Variants in ITGBL1 observed in about 807,000 individuals in gnomAD.
ITGBL1 encodes the protein integrin beta-like protein 1.
Under a neutral mutation model 68.5 loss-of-function variants are expected in ITGBL1, and 51 were observed. The observed-to-expected ratio is 0.74, with a 90% CI of 0.59 to 0.94. The LOEUF is 0.94. Ranked by LOEUF, ITGBL1 falls within the 40% of genes least tolerant of loss-of-function variation. ITGBL1 has a pLI of 0.00. For synonymous variants in ITGBL1, 209 were observed against 227.3 expected (o/e 0.92, Z 0.72); for missense variants, 649 against 647.4 (o/e 1.00, Z -0.03).
intron 7 of ITGBL1, among the ~76,000 whole-genome samples, chr13:101,692,210 T>G (rs1278600144): frequency 6.6e-6 from 1 of 152,100 alleles, no homozygotes; most frequent in Non-Finnish European, 1.5e-5. Flanking sequence ...AATGGCCACA[T>G]CATACTAAAT....
chr13:101,515,047 G>T (rs2049173753), intron 2 of ITGBL1, among the ~76,000 whole-genome samples: 1 of 150,680 alleles, frequency 6.6e-6, no homozygotes, highest in African/African-American at 2.4e-5. Context: ...AACCCATTGT[G>T]TTCTTATATA....
chr13:101,666,620 T>C (rs7994613), intron 7 of ITGBL1, among the ~76,000 whole-genome samples: 120,848 of 151,998 alleles, frequency 0.8, 48,239 homozygotes, highest in East Asian at 0.96. Context: ...AATTTTGTTT[T>C]ATTTTTGTTT....
intron 7 of ITGBL1, among the ~76,000 whole-genome samples, chr13:101,608,246 C>T (rs1280972827): frequency 6.6e-6 from 1 of 151,972 alleles, no homozygotes; most frequent in Non-Finnish European, 1.5e-5. Context: ...AGTAGCATGC[C>T]AAATTCTCAC....
intron 2 of ITGBL1, among the ~76,000 whole-genome samples, chr13:101,519,258 G>A (rs1209094325): frequency 6.6e-6 from 1 of 152,052 alleles, no homozygotes; most frequent in Non-Finnish European, 1.5e-5. Flanking sequence ...TCTACCCCAG[G>A]GCTGCCTGAT....
intron 7 of ITGBL1, among the ~76,000 whole-genome samples, chr13:101,616,582 C>T (rs917852720): frequency 1.3e-5 from 2 of 152,090 alleles, no homozygotes; most frequent in African/African-American, 4.8e-5. Context: ...CCTCCGCCTC[C>T]CAGGTTGAAG....
Position 101,661,074 on chromosome 13 carries a change from C to G in ITGBL1, c.1016-31511C>G, listed in dbSNP as rs377192426. Among the ~76,000 whole-genome samples, 4 of 151,790 alleles carry G rather than the reference C, an allele frequency of 2.6e-5. No homozygotes were observed. The East Asian group carries it at 7.8e-4, about 29-fold the overall frequency. ...ACAGTAGTAGCAGATGCATAAATGA[C>G]CAGTTATTAGGAATTAACGGATATA... On this transcript the variant is annotated intron_variant, in intron 7 of 10. Transcript: ENST00000376180.
At chr13:101,705,402 A>T (rs939790869) in intron 8 of ITGBL1, among the ~76,000 whole-genome samples, 3 of 151,714 alleles carry the variant, frequency 2.0e-5, no homozygotes, top group African/African-American at 7.3e-5. Flanking sequence ...CACCACAGTT[A>T]CTTACCACGT....
At chr13:101,682,386 A>G (rs1441114711) in intron 7 of ITGBL1, among the ~76,000 whole-genome samples, 1 of 152,102 alleles carries the variant, frequency 6.6e-6, no homozygotes, top group African/African-American at 2.4e-5. Context: ...GTTTATATAA[A>G]TCTTGCAGTA....
intron 7 of ITGBL1, among the ~76,000 whole-genome samples, chr13:101,621,466 T>G (rs982901270): frequency 6.6e-6 from 1 of 152,134 alleles, no homozygotes; most frequent in Non-Finnish European, 1.5e-5. Flanking sequence ...GCTCAACTTT[T>G]ATTATAGAAA....
intron 7 of ITGBL1, among the ~76,000 whole-genome samples, chr13:101,646,754 C>T (rs1490281480): frequency 2.0e-5 from 3 of 151,956 alleles, no homozygotes; most frequent in African/African-American, 7.2e-5. Flanking sequence ...AAATAGAATG[C>T]TGAACCACAC....
chr13:101,605,708 A>C (rs188430739), intron 7 of ITGBL1, among the ~76,000 whole-genome samples: 1 of 151,442 alleles, frequency 6.6e-6, no homozygotes, highest in South Asian at 2.1e-4. Context: ...AGACTTATGT[A>C]TGTGCGTATA....
At chr13:101,591,163 A>G (rs1203271395) in intron 6 of ITGBL1, among the ~76,000 whole-genome samples, 1 of 152,218 alleles carries the variant, frequency 6.6e-6, no homozygotes, top group Non-Finnish European at 1.5e-5. Flanking sequence ...TTGGCCTTCC[A>G]AAGTGCTGGG....
At position 101,520,107 on chromosome 13, in the gene ITGBL1, A is replaced by G. The variant is rs190209485; in HGVS notation, c.317-47592A>G. On this transcript the variant is annotated intron_variant, in intron 2 of 10. Coordinates refer to ENST00000376180, the MANE Select transcript of ITGBL1 (RefSeq NM_004791.3). The stretch of plus-strand genomic sequence containing the variant: ...CAGTGAGAGGGATTTGCTGCAGATC[A>G]CATAGAATTTGTACTCAAGTTCCTG... Among the ~76,000 whole-genome samples the G allele has an allele frequency of 1.2e-4, 19 of 152,298 alleles. No homozygotes were observed. In the East Asian group the frequency reaches 3.7e-3, roughly 29 times the overall value.
chr13:101,630,057 T>G (rs903496627), intron 7 of ITGBL1, among the ~76,000 whole-genome samples: 1 of 152,098 alleles, frequency 6.6e-6, no homozygotes, highest in African/African-American at 2.4e-5. Context: ...CTCCTGACCT[T>G]GTGATCCACC....
chr13:101,616,719 G>C (rs1293751392), intron 7 of ITGBL1, among the ~76,000 whole-genome samples: 2 of 152,148 alleles, frequency 1.3e-5, no homozygotes, highest in East Asian at 3.9e-4. Context: ...TCAAACTCCT[G>C]ACTTCAAGCG....
intron 2 of ITGBL1, among the ~76,000 whole-genome samples, chr13:101,538,467 G>C (rs111902328): frequency 6.6e-6 from 1 of 151,964 alleles, no homozygotes; most frequent in Non-Finnish European, 1.5e-5. Flanking sequence ...TGGTAGAAAT[G>C]AAAATTGCTT....
intron 7 of ITGBL1, among the ~76,000 whole-genome samples, chr13:101,657,970 G>A (rs2032979175): frequency 6.6e-6 from 1 of 152,174 alleles, no homozygotes; most frequent in Non-Finnish European, 1.5e-5. Context: ...AAAGACTTCT[G>A]TAGGAAGATA....
At chr13:101,593,960 A>G (rs942848263) in intron 6 of ITGBL1, among the ~76,000 whole-genome samples, 1 of 152,114 alleles carries the variant, frequency 6.6e-6, no homozygotes, top group Non-Finnish European at 1.5e-5. Context: ...CATCATGTGA[A>G]ATACCCTAAT....
At chr13:101,689,043 GAAA>G (rs3063753) in intron 7 of ITGBL1, among the ~76,000 whole-genome samples, 9 of 146,904 alleles carry the variant, frequency 6.1e-5, no homozygotes, top group South Asian at 2.3e-4. Flanking sequence ...ACTAAAAATA[GAAA>G]AAAAAAAAAT....
Sources: allele counts gnomAD v4.1 joint callset (sites outside exome capture counted in the v4.1 genomes callset), GRCh38; gene constraint gnomAD v4.1.1; transcripts MANE v1.5; gene names NCBI Gene and HGNC (gene_info 2026-07-23, HGNC 2026-07-21).